The following NUP62CL variants were observed in gnomAD, a reference collection of about 807,000 sequenced individuals.
The protein encoded by NUP62CL is nucleoporin 62 C-terminal like.
In NUP62CL, 13 loss-of-function variants were observed where a neutral mutation model predicts 15.3. The observed-to-expected ratio is 0.85, with a 90% CI of 0.55 to 1.35. The LOEUF (loss-of-function observed/expected upper bound fraction) is 1.35, where lower values mean the gene tolerates loss of function less well. Among genes scored for constraint, NUP62CL ranks in the 40% most tolerant of loss-of-function variants. NUP62CL has a pLI of 0.00. For synonymous variants in NUP62CL, 54 were observed against 49.2 expected, an observed-to-expected ratio of 1.10 and a Z score of -0.41; for missense variants, 123 against 130.6, an observed-to-expected ratio of 0.94 and a Z score of 0.28.
At chrX:107,147,692 C>T in intron 8 of NUP62CL, 51 bp downstream of exon 8, 3 of 759,281 alleles carry the variant, frequency 4.0e-6, no homozygotes, top group Admixed American at 2.2e-5. Flanking sequence ...ACATGTATCA[C>T]GTTTTCTACT....
At chrX:107,204,849 T>G (rs1927618525) in intron 1 of NUP62CL, among the ~76,000 whole-genome samples, 2 of 79,674 alleles carry the variant, frequency 2.5e-5, no homozygotes, top group African/African-American at 6.9e-5. Context: ...AAATTATTTA[T>G]TTAAATAAAT....
At chrX:107,174,127 CT>C (rs111622958) in intron 3 of NUP62CL, among the ~76,000 whole-genome samples, 1 of 86,116 alleles carries the variant, frequency 1.2e-5, no homozygotes, top group Non-Finnish European at 2.3e-5. Flanking sequence ...CTCTCTCCCC[CT>C]CTCTCTCTTT....
intron 8 of NUP62CL, among the ~76,000 whole-genome samples, chrX:107,138,996 A>G (rs915855640): frequency 2.0e-4 from 22 of 112,304 alleles, no homozygotes; most frequent in African/African-American, 7.1e-4. Context: ...ATTGATACAC[A>G]CAGAAACACA....
chrX:107,169,861 A>G (rs1926606878), intron 3 of NUP62CL, among the ~76,000 whole-genome samples: 1 of 111,407 alleles, frequency 9.0e-6, no homozygotes, highest in Admixed American at 9.6e-5. Flanking sequence ...ATCTTCACCC[A>G]AAGATGGTTT....
intron 4 of NUP62CL, among the ~76,000 whole-genome samples, chrX:107,155,165 A>C (rs1348455284): frequency 1.8e-5 from 2 of 112,164 alleles, no homozygotes; most frequent in Non-Finnish European, 3.8e-5. Flanking sequence ...AGCCAAGACT[A>C]AATGAGGTAG....
intron 8 of NUP62CL, among the ~76,000 whole-genome samples, chrX:107,142,421 T>A (rs1569355408): frequency 8.9e-6 from 1 of 111,857 alleles, no homozygotes; most frequent in East Asian, 2.8e-4. Context: ...GCAGCCTAAA[T>A]GTTGTGAGCA....
intron 1 of NUP62CL, among the ~76,000 whole-genome samples, chrX:107,195,107 G>A (rs1197485063): frequency 9.0e-6 from 1 of 110,901 alleles, no homozygotes; most frequent in Non-Finnish European, 1.9e-5. Flanking sequence ...AAGCCACCGT[G>A]CCAGGCCCCA....
intron 8 of NUP62CL, among the ~76,000 whole-genome samples, chrX:107,147,221 A>G (rs1427471735): frequency 9.0e-6 from 1 of 111,425 alleles, no homozygotes; most frequent in African/African-American, 3.3e-5. Flanking sequence ...CTATTAAGAG[A>G]AAGTTTAAAA....
chrX:107,194,412 T>C (rs1266712003), intron 1 of NUP62CL, among the ~76,000 whole-genome samples: 1 of 111,783 alleles, frequency 8.9e-6, no homozygotes, highest in African/African-American at 3.2e-5. Flanking sequence ...TTAGCAATAA[T>C]AAACATTAGA....
intron 2 of NUP62CL, among the ~76,000 whole-genome samples, chrX:107,184,090 C>T (rs766439150): frequency 8.2e-5 from 9 of 109,382 alleles, no homozygotes; most frequent in Non-Finnish European, 1.5e-4. Flanking sequence ...ACCTCCCCCC[C>T]CTCCACCAGA....
chrX:107,161,778 A>T (rs927837272), intron 4 of NUP62CL, among the ~76,000 whole-genome samples: 17 of 102,552 alleles, frequency 1.7e-4, no homozygotes, highest in South Asian at 4.5e-4. Context: ...AGTATAATTT[A>T]AAAAAAATAA....
intron 2 of NUP62CL, among the ~76,000 whole-genome samples, chrX:107,188,918 T>C (rs1054001465): frequency 5.4e-5 from 6 of 111,880 alleles, no homozygotes; most frequent in Non-Finnish European, 1.1e-4. Flanking sequence ...TTCTGTCTTT[T>C]GTAAAATTAT....
At chrX:107,177,139 TA>T (rs1249414692) in intron 2 of NUP62CL, among the ~76,000 whole-genome samples, 1 of 111,781 alleles carries the variant, frequency 8.9e-6, no homozygotes, top group Non-Finnish European at 1.9e-5. Flanking sequence ...GATTAATATA[TA>T]AAAATAATTA....
intron 8 of NUP62CL, among the ~76,000 whole-genome samples, chrX:107,139,851 A>G (rs1440124774): frequency 8.9e-6 from 1 of 111,782 alleles, no homozygotes; most frequent in Non-Finnish European, 1.9e-5. Context: ...GGGAGAGGGG[A>G]GAGGGAAGAG....
chrX:107,148,750 C>T (rs1336363216), intron 7 of NUP62CL, among the ~76,000 whole-genome samples: 1 of 110,535 alleles, frequency 9.0e-6, no homozygotes, highest in African/African-American at 3.3e-5. Context: ...CTTAATAAAA[C>T]TTTTAGACAT....
intron 2 of NUP62CL, among the ~76,000 whole-genome samples, chrX:107,189,613 A>AAATAAT (rs112376938): frequency 0.12 from 11,589 of 99,779 alleles, 2,085 homozygotes; most frequent in African/African-American, 0.43. Context: ...CCGTCCCTAC[A>AAATAAT]AATAATAATA....
At chrX:107,144,635 T>C (rs1260544671) in intron 8 of NUP62CL, among the ~76,000 whole-genome samples, 1 of 111,771 alleles carries the variant, frequency 8.9e-6, no homozygotes, top group Non-Finnish European at 1.9e-5. Context: ...TAGAAAAATA[T>C]GCGACAGGAA....
intron 4 of NUP62CL, among the ~76,000 whole-genome samples, chrX:107,163,118 T>G (rs894703667): frequency 9.0e-6 from 1 of 111,708 alleles, no homozygotes. Context: ...ACTATTCTAC[T>G]TCTCGTTTCT....
chrX:107,157,099 G>A (rs1167771774), intron 4 of NUP62CL, among the ~76,000 whole-genome samples: 1 of 109,102 alleles, frequency 9.2e-6, no homozygotes, highest in African/African-American at 3.3e-5. Flanking sequence ...AAAGAAATGA[G>A]CAAAGCCTCC....
Sources: allele counts gnomAD v4.1 joint callset (sites outside exome capture counted in the v4.1 genomes callset), GRCh38; gene constraint gnomAD v4.1.1; transcripts MANE v1.5; gene names NCBI Gene and HGNC (gene_info 2026-07-23, HGNC 2026-07-21).